Variants in NEGR1 observed in about 807,000 individuals in gnomAD.
The protein encoded by NEGR1 is IgLON family member 4.
Under a neutral mutation model 40.9 loss-of-function variants are expected in NEGR1, and 10 were observed. The ratio of observed to expected loss-of-function variants is 0.24; its 90% CI spans 0.15 to 0.42. NEGR1 has a LOEUF of 0.42. NEGR1 is among the 10% of genes least tolerant of loss of function. NEGR1 has a pLI of 1.00. For synonymous variants in NEGR1, 185 were observed against 166.8 expected, an observed-to-expected ratio of 1.11 and a Z score of -0.84; for missense variants, 352 against 438.9, an observed-to-expected ratio of 0.80 and a Z score of 1.77.
chr1:72,113,817 T>C lies in NEGR1; in HGVS notation c.176+168502A>G, dbSNP rs139519261. 5.0e-4 allele frequency among the ~76,000 whole-genome samples: 76 copies of C among 151,888 alleles called. 1 individual carries two copies. Among genetic ancestry groups the C allele is most frequent in the African/African-American group, 1.8e-3 (75 of 41,520 alleles). On this transcript the variant is annotated intron_variant, in intron 1 of 6. Coordinates refer to ENST00000357731, the MANE Select transcript of NEGR1 (RefSeq NM_173808.3). ...TGTCAGGCTGTCAGTTTCTCAGTTATTGCCACCTAACACAACACTTAGGAC... is the reference window on the plus strand; with the variant it reads ...TGTCAGGCTGTCAGTTTCTCAGTTACTGCCACCTAACACAACACTTAGGAC...
At position 71,407,665 on chromosome 1, in the gene NEGR1, C is replaced by T. The variant is rs147881602; in HGVS notation, c.941-95G>A. 4.2e-6 allele frequency: 5 copies of T among 1,195,456 alleles called. No homozygotes were observed. The Admixed American group carries it at 5.7e-5, about 14-fold the overall frequency. The allele number at this position is 1,195,456 out of a possible 1,614,324, so 74.1% of individuals were successfully genotyped here. On this transcript the variant is annotated intron_variant, in intron 6 of 6. Coordinates refer to ENST00000357731, the MANE Select transcript of NEGR1 (RefSeq NM_173808.3). ...AGGTAGCCAGGTGCATCGGGGAAAG[C>T]ACTGACATTGGAGTCAGACAGACTG... is the stretch of plus-strand genomic sequence containing the variant.
At chr1:71,561,563 T>A (rs1421102165) in intron 6 of NEGR1, among the ~76,000 whole-genome samples, 1 of 151,718 alleles carries the variant, frequency 6.6e-6, no homozygotes, top group Non-Finnish European at 1.5e-5. Flanking sequence ...ATTGCAAAAT[T>A]TTGTATCATG....
In NEGR1 at chr1:71,401,253, G is replaced by T. The variant is rs146347904; in HGVS notation, c.*6193C>A. 1.6e-3 allele frequency: 243 copies of T among 152,236 alleles called. No individual in the cohort carries two copies. The highest frequency in any genetic ancestry group is 6.8e-3 in the Middle Eastern group (2 of 292). 9.4% of individuals were successfully genotyped at this position (152,236 alleles called of 1,614,324 possible). The stretch of plus-strand genomic sequence containing the variant: ...ATGGAAATAAATTCTGAGGGGTAAA[G>T]ATTCAATTGAATTCTCCTCCTCACT... On this transcript the variant is annotated 3_prime_UTR_variant, in exon 7 of 7. Transcript: ENST00000357731.
intron 2 of NEGR1, among the ~76,000 whole-genome samples, chr1:71,858,664 C>T (rs1008141037): frequency 6.6e-6 from 1 of 152,028 alleles, no homozygotes; most frequent in African/African-American, 2.4e-5. Flanking sequence ...CAAACAAAAA[C>T]ACATTTAAAT....
chr1:71,803,637 T>G, intron 2 of NEGR1, among the ~76,000 whole-genome samples: 1 of 152,208 alleles, frequency 6.6e-6, no homozygotes, highest in East Asian at 1.9e-4. Flanking sequence ...TTCCTTGTAC[T>G]TCTTTTAATT....
At chr1:71,954,004 A>C (rs1465455939) in intron 1 of NEGR1, among the ~76,000 whole-genome samples, 1 of 152,030 alleles carries the variant, frequency 6.6e-6, no homozygotes. Context: ...ACCATAAGAG[A>C]CATAATGGTT....
intron 1 of NEGR1, among the ~76,000 whole-genome samples, chr1:71,969,646 CTTAA>C (rs1034483360): frequency 6.6e-6 from 1 of 152,132 alleles, no homozygotes. Flanking sequence ...AGTATTCTGT[CTTAA>C]TTATTACAAC....
chr1:71,664,542 G>A (rs964628097), intron 4 of NEGR1, among the ~76,000 whole-genome samples: 1 of 151,942 alleles, frequency 6.6e-6, no homozygotes, highest in Non-Finnish European at 1.5e-5. Context: ...TGATTTCCAT[G>A]GGAATTTAGA....
At chr1:72,083,486 G>C (rs971781059) in intron 1 of NEGR1, among the ~76,000 whole-genome samples, 2 of 152,066 alleles carry the variant, frequency 1.3e-5, no homozygotes, top group African/African-American at 4.8e-5. Context: ...AGCTTCAAAA[G>C]TAGTTGGGAC....
chr1:72,085,871 GA>G (rs1648200181), intron 1 of NEGR1, among the ~76,000 whole-genome samples: 1 of 150,754 alleles, frequency 6.6e-6, no homozygotes, highest in Non-Finnish European at 1.5e-5. Context: ...TCGGGAGGCT[GA>G]GGGAGGAGAA....
intron 1 of NEGR1, among the ~76,000 whole-genome samples, chr1:71,974,457 C>A (rs61765348): frequency 0.3 from 45,783 of 151,858 alleles, 7,764 homozygotes; most frequent in African/African-American, 0.47. Context: ...TAGACTATTA[C>A]ACTATTTTGA....
chr1:71,502,014 A>G (rs1399534158), intron 6 of NEGR1, among the ~76,000 whole-genome samples: 1 of 152,232 alleles, frequency 6.6e-6, no homozygotes, highest in African/African-American at 2.4e-5. Context: ...CTTAAACTTC[A>G]GATTATCATA....
chr1:72,141,260 G>C (rs1477589711), intron 1 of NEGR1, among the ~76,000 whole-genome samples: 1 of 151,924 alleles, frequency 6.6e-6, no homozygotes, highest in Non-Finnish European at 1.5e-5. Context: ...ATCCTGTGGA[G>C]ATATAAGAAC....
chr1:72,132,384 G>A (rs748177960), intron 1 of NEGR1, among the ~76,000 whole-genome samples: 7 of 152,172 alleles, frequency 4.6e-5, no homozygotes, highest in Non-Finnish European at 1.0e-4. Context: ...ACAAGTTCAG[G>A]AGGAGCCTGA....
intron 1 of NEGR1, among the ~76,000 whole-genome samples, chr1:72,116,200 GACTTTT>G (rs532915226): frequency 2.0e-5 from 3 of 151,580 alleles, no homozygotes; most frequent in Non-Finnish European, 4.4e-5. Context: ...CATGATATAA[GACTTTT>G]ACTTTTTATA....
intron 2 of NEGR1, among the ~76,000 whole-genome samples, chr1:71,923,498 G>T (rs1645739671): frequency 6.6e-6 from 1 of 152,150 alleles, no homozygotes; most frequent in Admixed American, 6.5e-5. Context: ...ATGTGTGAAT[G>T]TGCACGGGGA....
intron 4 of NEGR1, among the ~76,000 whole-genome samples, chr1:71,680,858 T>C (rs946572665): frequency 3.9e-5 from 6 of 152,240 alleles, no homozygotes; most frequent in African/African-American, 1.2e-4. Flanking sequence ...CAGATTTCCA[T>C]ATGGCTTCCT....
intron 1 of NEGR1, among the ~76,000 whole-genome samples, chr1:72,073,206 C>A (rs1251833347): frequency 1.3e-5 from 2 of 152,000 alleles, no homozygotes; most frequent in African/African-American, 4.8e-5. Flanking sequence ...GGTCACCAGG[C>A]CTTTATGTGC....
chr1:72,047,027 C>T (rs1186242914), intron 1 of NEGR1, among the ~76,000 whole-genome samples: 2 of 151,460 alleles, frequency 1.3e-5, no homozygotes, highest in Non-Finnish European at 3.0e-5. Flanking sequence ...AAAGATTAAC[C>T]ACCCTTTCCA....
Sources: gnomAD v4.1 joint callset for allele counts (sites outside exome capture counted in the v4.1 genomes callset) on GRCh38, gnomAD v4.1.1 for gene constraint, MANE v1.5 for transcripts, NCBI Gene and HGNC (gene_info 2026-07-23, HGNC 2026-07-21) for gene names.